RBFOX1: variants seen among roughly 807,000 people sequenced by gnomAD.
RBFOX1 encodes the protein RNA binding protein fox-1 homolog 1.
A neutral mutation model predicts 57.7 loss-of-function variants in RBFOX1; 8 were observed. That is an observed-to-expected ratio of 0.14 (90% CI 0.08 to 0.25). The LOEUF (loss-of-function observed/expected upper bound fraction) is 0.25, where lower values mean the gene tolerates loss of function less well. RBFOX1 is among the 10% of genes least tolerant of loss of function. The probability of loss-of-function intolerance (pLI) is 1.00; values close to 1 mark genes in which losing one functional copy is unlikely to be tolerated. For missense variants in RBFOX1, 611 were observed against 548.5 expected, an observed-to-expected ratio of 1.11 and a Z score of -1.14; for synonymous variants, 326 against 222.4, an observed-to-expected ratio of 1.47 and a Z score of -4.15.
intron 3 of RBFOX1, among the ~76,000 whole-genome samples, chr16:6,885,504 T>G (rs914902413): frequency 1.3e-5 from 2 of 151,944 alleles, no homozygotes; most frequent in African/African-American, 4.8e-5. Context: ...GATGGTGCAT[T>G]AAATCTACTT....
chr16:6,362,512 C>G (rs921552184), intron 2 of RBFOX1, among the ~76,000 whole-genome samples: 1 of 152,182 alleles, frequency 6.6e-6, no homozygotes, highest in Non-Finnish European at 1.5e-5. Context: ...CACTGGCTCA[C>G]GCATTTGTGT....
chr16:7,167,313 C>T (rs1175106041), intron 4 of RBFOX1, among the ~76,000 whole-genome samples: 1 of 151,890 alleles, frequency 6.6e-6, no homozygotes, highest in African/African-American at 2.4e-5. Flanking sequence ...GGATGTCACT[C>T]ATTAAGGATC....
intron 3 of RBFOX1, among the ~76,000 whole-genome samples, chr16:5,634,985 C>T (rs533696233): frequency 3.9e-4 from 59 of 152,252 alleles, no homozygotes; most frequent in African/African-American, 1.2e-3. Context: ...GGAGAGTCAC[C>T]ATGATTGGTC....
chr16:7,177,350 A>G (rs2081882702), intron 4 of RBFOX1, among the ~76,000 whole-genome samples: 1 of 152,202 alleles, frequency 6.6e-6, no homozygotes, highest in African/African-American at 2.4e-5. Flanking sequence ...AGGAACAAGT[A>G]GAGTTTCCAA....
intron 3 of RBFOX1, among the ~76,000 whole-genome samples, chr16:6,847,829 G>C (rs1284493933): frequency 6.6e-6 from 1 of 151,954 alleles, no homozygotes; most frequent in Non-Finnish European, 1.5e-5. Context: ...TTCCCACCAA[G>C]ACTTCCTTTT....
At chr16:7,230,101 A>G (rs1480052710) in intron 4 of RBFOX1, among the ~76,000 whole-genome samples, 1 of 141,014 alleles carries the variant, frequency 7.1e-6, no homozygotes, top group Non-Finnish European at 1.6e-5. Flanking sequence ...GGGGAGGGAA[A>G]GAAGGAAGGG....
At chr16:5,797,476 T>C (rs1462206564) in intron 3 of RBFOX1, among the ~76,000 whole-genome samples, 2 of 152,190 alleles carry the variant, frequency 1.3e-5, no homozygotes, top group Non-Finnish European at 2.9e-5. Context: ...GTATCTGGCT[T>C]CCAGACCCTT....
At chr16:5,434,238 G>C (rs1406645853) in intron 1 of RBFOX1, among the ~76,000 whole-genome samples, 1 of 150,376 alleles carries the variant, frequency 6.6e-6, no homozygotes, top group Non-Finnish European at 1.5e-5. Flanking sequence ...TTAGCAAAAT[G>C]AGGCCTTAGA....
At chr16:6,408,404 G>A (rs1051114631) in intron 2 of RBFOX1, among the ~76,000 whole-genome samples, 1 of 152,178 alleles carries the variant, frequency 6.6e-6, no homozygotes, top group Admixed American at 6.5e-5. Context: ...GGGAGCCAAT[G>A]GTTAGTGTTT....
rs144666881 is a variant in RBFOX1, at chr16:6,790,941, T to G, written c.-16+136291T>G. Among the ~76,000 whole-genome samples, 332 of 152,202 alleles carry G rather than the reference T, an allele frequency of 2.2e-3. 2 individuals are homozygous for G. Among genetic ancestry groups the G allele is most frequent in the African/African-American group, 7.1e-3 (296 of 41,542 alleles). On this transcript the variant is annotated intron_variant, in intron 3 of 15. Transcript: ENST00000550418. ...TTTTTTTTGCAATGGGGTCTGACTGTGTCACCCAGGTTGGAGTGCATTGGT... is the reference window on the plus strand; with the variant it reads ...TTTTTTTTGCAATGGGGTCTGACTGGGTCACCCAGGTTGGAGTGCATTGGT...
intron 2 of RBFOX1, among the ~76,000 whole-genome samples, chr16:6,504,212 C>G (rs1450742870): frequency 2.0e-5 from 3 of 152,154 alleles, no homozygotes; most frequent in East Asian, 1.9e-4. Context: ...CATGATAGAG[C>G]TAGCACCAAC....
At chr16:7,540,566 A>G (rs1394125707) in intron 5 of RBFOX1, among the ~76,000 whole-genome samples, 1 of 152,220 alleles carries the variant, frequency 6.6e-6, no homozygotes, top group East Asian at 1.9e-4. Flanking sequence ...TATACAACAC[A>G]TCTGATGATC....
chr16:7,219,069 A>G (rs554870773), intron 4 of RBFOX1, among the ~76,000 whole-genome samples: 88 of 152,264 alleles, frequency 5.8e-4, no homozygotes, highest in African/African-American at 2.1e-3. Flanking sequence ...ATGAATGTGG[A>G]GTTGGCCACC....
At chr16:6,380,020 A>G (rs986641105) in intron 2 of RBFOX1, among the ~76,000 whole-genome samples, 1 of 152,196 alleles carries the variant, frequency 6.6e-6, no homozygotes, top group Non-Finnish European at 1.5e-5. Flanking sequence ...GTTAACAGGC[A>G]AGAAAGAGCA....
chr16:6,669,498 C>A (rs183075376), intron 3 of RBFOX1, among the ~76,000 whole-genome samples: 34 of 152,128 alleles, frequency 2.2e-4, no homozygotes, highest in Non-Finnish European at 4.4e-4. Context: ...AGAGTGATTG[C>A]AGTATGATTG....
At chr16:5,683,233 C>T (rs970795720) in intron 3 of RBFOX1, among the ~76,000 whole-genome samples, 1 of 152,012 alleles carries the variant, frequency 6.6e-6, no homozygotes, top group South Asian at 2.1e-4. Flanking sequence ...GGGAAGCCTT[C>T]GAAAAATAGT....
At chr16:7,294,221 C>G (rs556698640) in intron 4 of RBFOX1, among the ~76,000 whole-genome samples, 1 of 152,084 alleles carries the variant, frequency 6.6e-6, no homozygotes, top group East Asian at 1.9e-4. Flanking sequence ...GTTTTTGTCT[C>G]TGCCGCCTAC....
At chr16:7,322,539 A>C (rs2096559223) in intron 4 of RBFOX1, among the ~76,000 whole-genome samples, 1 of 152,226 alleles carries the variant, frequency 6.6e-6, no homozygotes, top group East Asian at 1.9e-4. Flanking sequence ...GACAGTCAGA[A>C]GCTCCTCTGG....
intron 3 of RBFOX1, among the ~76,000 whole-genome samples, chr16:6,919,687 A>G (rs1400049715): frequency 6.6e-6 from 1 of 151,628 alleles, no homozygotes; most frequent in African/African-American, 2.4e-5. Flanking sequence ...TCCATAAGAC[A>G]TTGTCATCAG....
Sources: allele counts gnomAD v4.1 joint callset (sites outside exome capture counted in the v4.1 genomes callset), GRCh38; gene constraint gnomAD v4.1.1; transcripts MANE v1.5; gene names NCBI Gene and HGNC (gene_info 2026-07-23, HGNC 2026-07-21).